The following NEGR1 variants were observed in gnomAD, a reference collection of about 807,000 sequenced individuals.
NEGR1 encodes IgLON family member 4.
Under a neutral mutation model 40.9 loss-of-function variants are expected in NEGR1, and 10 were observed. The observed-to-expected ratio is 0.24, with a 90% confidence interval of 0.15 to 0.42. The LOEUF (loss-of-function observed/expected upper bound fraction) is 0.42. Among genes scored for constraint, NEGR1 ranks in the 10% least tolerant of loss-of-function variants. NEGR1 has a pLI of 1.00. For missense variants in NEGR1, 352 were observed against 438.9 expected (o/e 0.80, Z 1.77); for synonymous variants, 185 against 166.8 (o/e 1.11, Z -0.84).
chr1:71,583,211 A>C (rs898373110), intron 6 of NEGR1, among the ~76,000 whole-genome samples: 1 of 152,208 alleles, frequency 6.6e-6, no homozygotes, highest in Non-Finnish European at 1.5e-5. Context: ...TAAAAAATAT[A>C]TGACTATCAC....
At chr1:71,877,718 T>C (rs1404105744) in intron 2 of NEGR1, among the ~76,000 whole-genome samples, 1 of 152,166 alleles carries the variant, frequency 6.6e-6, no homozygotes, top group Non-Finnish European at 1.5e-5. Flanking sequence ...GTTTTAATTG[T>C]ATTATTTATA....
intron 6 of NEGR1, among the ~76,000 whole-genome samples, chr1:71,548,326 T>C (rs747678326): frequency 1.1e-4 from 17 of 151,808 alleles, no homozygotes; most frequent in Admixed American, 2.6e-4. Context: ...TTCTGCTGCT[T>C]TGGGGACAAC....
rs1210340405 is a variant in NEGR1, at chr1:71,431,654, G to A, written c.941-24084C>T. Among the ~76,000 whole-genome samples the A allele has an allele frequency of 3.3e-5, 5 of 152,092 alleles. No homozygotes were observed. The East Asian group carries it at 9.6e-4, about 29-fold the overall frequency. On this transcript the variant is annotated intron_variant, in intron 6 of 6. Coordinates refer to ENST00000357731, the MANE Select transcript of NEGR1 (RefSeq NM_173808.3). ...AACCCAGGTACTTCCTAGGCACTAG[G>A]GATATAGCAATGAACAAACAAATTT...
Position 71,428,122 on chromosome 1 carries a change from G to A in NEGR1, c.941-20552C>T, listed in dbSNP as rs560831187. On this transcript the variant is annotated intron_variant, in intron 6 of 6. Coordinates refer to ENST00000357731, the MANE Select transcript of NEGR1 (RefSeq NM_173808.3). ...AAGACTGAGAATTCTAATTATGGCAGAAAGTGAGGTGAATGGGAAACAGCC... is the reference window on the plus strand; with the variant it reads ...AAGACTGAGAATTCTAATTATGGCAAAAAGTGAGGTGAATGGGAAACAGCC... 5.9e-5 allele frequency among the ~76,000 whole-genome samples: 9 copies of A among 152,282 alleles called. No homozygotes were observed. In the South Asian group the frequency reaches 1.7e-3, roughly 28 times the overall value.
At chr1:71,947,290 C>T (rs1197552092) in intron 1 of NEGR1, among the ~76,000 whole-genome samples, 1 of 151,606 alleles carries the variant, frequency 6.6e-6, no homozygotes, top group Non-Finnish European at 1.5e-5. Flanking sequence ...AAACTTTTTA[C>T]TTACAGGAAA....
intron 4 of NEGR1, among the ~76,000 whole-genome samples, chr1:71,619,396 A>G (rs1650545521): frequency 6.6e-6 from 1 of 152,076 alleles, no homozygotes; most frequent in South Asian, 2.1e-4. Flanking sequence ...AGGGAAATAA[A>G]TTTATGCATC....
chr1:72,181,101 T>C (rs1652350478), intron 1 of NEGR1, among the ~76,000 whole-genome samples: 1 of 152,126 alleles, frequency 6.6e-6, no homozygotes, highest in East Asian at 1.9e-4. Context: ...ACTAGAACCA[T>C]AGGCATTGGC....
intron 6 of NEGR1, among the ~76,000 whole-genome samples, chr1:71,480,917 C>T (rs890781153): frequency 4.6e-5 from 7 of 151,772 alleles, no homozygotes; most frequent in Non-Finnish European, 8.8e-5. Flanking sequence ...AATTATATAA[C>T]TAGTAAAGAT....
intron 2 of NEGR1, among the ~76,000 whole-genome samples, chr1:71,852,875 G>C (rs1453401520): frequency 1.3e-5 from 2 of 150,010 alleles, no homozygotes; most frequent in African/African-American, 4.9e-5. Context: ...AATGGACAAA[G>C]AGGAAAAAAA....
At chr1:71,794,240 A>C (rs2101739475) in intron 2 of NEGR1, 2 of 152,322 alleles carry the variant, frequency 1.3e-5, no homozygotes, top group East Asian at 1.9e-4. Flanking sequence ...AATTACATTA[A>C]ATTCCATTTT....
intron 2 of NEGR1, among the ~76,000 whole-genome samples, chr1:71,885,637 G>C (rs1220616470): frequency 6.6e-6 from 1 of 152,132 alleles, no homozygotes; most frequent in Non-Finnish European, 1.5e-5. Flanking sequence ...GAAAATGGTT[G>C]ACAAGTCATT....
At chr1:72,076,028 A>G (rs997070124) in intron 1 of NEGR1, among the ~76,000 whole-genome samples, 1 of 152,230 alleles carries the variant, frequency 6.6e-6, no homozygotes, top group Non-Finnish European at 1.5e-5. Flanking sequence ...ACCAAATAAT[A>G]TAAGTAAAAC....
intron 4 of NEGR1, among the ~76,000 whole-genome samples, chr1:71,622,706 T>C (rs1028855630): frequency 2.0e-5 from 3 of 151,630 alleles, no homozygotes; most frequent in East Asian, 1.9e-4. Flanking sequence ...TCGAGATAGG[T>C]GAAGTCAATC....
At chr1:71,466,248 T>C (rs1646745043) in intron 6 of NEGR1, among the ~76,000 whole-genome samples, 1 of 152,120 alleles carries the variant, frequency 6.6e-6, no homozygotes, top group Non-Finnish European at 1.5e-5. Flanking sequence ...GTTGTAGCAA[T>C]ATTCTAAAAT....
At chr1:72,149,528 C>T (rs972090222) in intron 1 of NEGR1, among the ~76,000 whole-genome samples, 3 of 152,080 alleles carry the variant, frequency 2.0e-5, no homozygotes, top group Admixed American at 2.0e-4. Flanking sequence ...TTAACACATA[C>T]ATTTCTCAAG....
At chr1:71,785,224 T>G (rs1190217208) in intron 2 of NEGR1, among the ~76,000 whole-genome samples, 1 of 152,198 alleles carries the variant, frequency 6.6e-6, no homozygotes, top group Non-Finnish European at 1.5e-5. Flanking sequence ...GCACACTTAT[T>G]GTCGTGCTGT....
chr1:71,846,072 G>T (rs1200357805), intron 2 of NEGR1, among the ~76,000 whole-genome samples: 1 of 151,876 alleles, frequency 6.6e-6, no homozygotes, highest in Non-Finnish European at 1.5e-5. Context: ...CCAAGAGCCA[G>T]ATTTAAATCA....
chr1:72,033,539 T>C (rs925736287), intron 1 of NEGR1, among the ~76,000 whole-genome samples: 3 of 152,180 alleles, frequency 2.0e-5, no homozygotes, highest in African/African-American at 7.2e-5. Context: ...TTTCACACTA[T>C]TTCACTTTCA....
chr1:72,281,701 G>A (rs1261389594), intron 1 of NEGR1, among the ~76,000 whole-genome samples: 1 of 150,536 alleles, frequency 6.6e-6, no homozygotes, highest in South Asian at 2.1e-4. Flanking sequence ...AATATGAGAA[G>A]AAATTTTAAA....
Sources: gnomAD v4.1 joint callset for allele counts (sites outside exome capture counted in the v4.1 genomes callset) on GRCh38, gnomAD v4.1.1 for gene constraint, MANE v1.5 for transcripts, NCBI Gene and HGNC (gene_info 2026-07-23, HGNC 2026-07-21) for gene names.